Variants in LNX1 observed in about 807,000 individuals in gnomAD.
LNX1 encodes the protein E3 ubiquitin-protein ligase LNX.
LNX1 carries 54 observed loss-of-function variants against 68.4 expected under a neutral mutation model. The ratio of observed to expected loss-of-function variants is 0.79; its 90% CI spans 0.63 to 0.99. The LOEUF is 0.99. LNX1 is among the 50% of genes least tolerant of loss of function. LNX1 has a pLI of 0.00. For missense variants in LNX1, 906 were observed against 926.4 expected (o/e 0.98, Z 0.29); for synonymous variants, 336 against 350.0 (o/e 0.96, Z 0.45).
rs1721752758 is a variant in LNX1, at chr4:53,460,444, A to AAAAG, written c.*459_*462dup. The AAAAG allele has an allele frequency of 5.2e-6, 1 of 191,730 alleles. No homozygotes were observed. The highest frequency in any genetic ancestry group is 6.1e-5 in the Admixed American group (1 of 16,272). The allele number at this position is 191,730 out of a possible 1,614,324, so 11.9% of individuals were successfully genotyped here. On this transcript the variant is annotated 3_prime_UTR_variant, in exon 11 of 11. Coordinates refer to ENST00000263925, the MANE Select transcript of LNX1 (RefSeq NM_001126328.3). ...GTAATCTTAATTAGTATCACATACT[A>AAAAG]AAAGACAACTATAACTTCTGAAAAA...
chr4:53,467,286 T>A (rs1285633284), intron 9 of LNX1, among the ~76,000 whole-genome samples: 2 of 152,140 alleles, frequency 1.3e-5, no homozygotes, highest in African/African-American at 4.8e-5. Context: ...GGGTCCTGAC[T>A]GCTGGAAGGA....
intron 2 of LNX1, chr4:53,508,467 A>G: frequency 4.0e-6 from 2 of 499,498 alleles, no homozygotes; most frequent in Non-Finnish European, 7.2e-6. Flanking sequence ...TCTTAAAGCA[A>G]TCTCTACATT....
In LNX1 at chr4:53,476,785, G is replaced by C. The variant is rs761201223; in HGVS notation, c.1860C>G (p.Ser620=). The C allele has an allele frequency of 6.2e-7, 1 of 1,614,040 alleles. No homozygotes were observed. Among genetic ancestry groups the C allele is most frequent in the African/African-American group, 1.3e-5 (1 of 74,906 alleles). The change falls in exon 9 of 11, where the codon TCC becomes TCG. Residue 620 remains serine (S), a synonymous_variant. Coordinates refer to ENST00000263925, the MANE Select transcript of LNX1 (RefSeq NM_001126328.3). ...NHNMAPPSDW[S]PSWVMWLELP... is the part of the protein sequence containing the mutation. ...ATTCCAGCCACATGACCCAGGATGGGGACCAGTCACTGGGTGGGGCCATGT... is the reference window on the plus strand; with the variant it reads ...ATTCCAGCCACATGACCCAGGATGGCGACCAGTCACTGGGTGGGGCCATGT...
intron 6 of LNX1, among the ~76,000 whole-genome samples, chr4:53,491,092 T>C (rs1342925395): frequency 6.6e-6 from 1 of 152,214 alleles, no homozygotes; most frequent in Non-Finnish European, 1.5e-5. Flanking sequence ...AAATGCCATA[T>C]GTAGTCAAGA....
intron 2 of LNX1, among the ~76,000 whole-genome samples, chr4:53,553,508 T>C (rs1729662628): frequency 6.6e-6 from 1 of 152,234 alleles, no homozygotes; most frequent in East Asian, 1.9e-4. Flanking sequence ...GGTTTTCATC[T>C]ACAAGTCTCT....
At position 53,549,754 on chromosome 4, in the gene LNX1, T is replaced by C. The variant is rs147182887; in HGVS notation, c.380+23869A>G. The stretch of plus-strand genomic sequence containing the variant: ...AGATGGGTATAGGCCACATGGAGTT[T>C]TATTATAATCTTTTCTCTCCTTTTA... On this transcript the variant is annotated intron_variant, in intron 2 of 10. Coordinates refer to ENST00000263925, the MANE Select transcript of LNX1 (RefSeq NM_001126328.3). Among the ~76,000 whole-genome samples the C allele has an allele frequency of 1.9e-3, 292 of 152,298 alleles. 2 individuals are homozygous for C. Among genetic ancestry groups the C allele is most frequent in the African/African-American group, 6.6e-3 (274 of 41,578 alleles).
At chr4:53,590,789 C>T (rs1732461617) in intron 1 of LNX1, among the ~76,000 whole-genome samples, 1 of 152,034 alleles carries the variant, frequency 6.6e-6, no homozygotes. Flanking sequence ...ACTGCAAAGT[C>T]GTATTTAAAA....
chr4:53,490,706 G>A (rs540066427), intron 6 of LNX1, among the ~76,000 whole-genome samples: 22 of 152,174 alleles, frequency 1.4e-4, no homozygotes, highest in Non-Finnish European at 3.1e-4. Flanking sequence ...TGTGATTCAC[G>A]GAGTAGACAT....
chr4:53,584,438 G>C (rs1732036277), intron 1 of LNX1, among the ~76,000 whole-genome samples: 1 of 152,168 alleles, frequency 6.6e-6, no homozygotes, highest in Admixed American at 6.5e-5. Context: ...ATGGCAATGT[G>C]TATAATGCCC....
chr4:53,580,132 T>A (rs1286242986), intron 1 of LNX1, among the ~76,000 whole-genome samples: 1 of 152,184 alleles, frequency 6.6e-6, no homozygotes, highest in Non-Finnish European at 1.5e-5. Flanking sequence ...AATAGATGAT[T>A]CTACCTTTGG....
At chr4:53,609,747 T>G (rs1053767183) in intron 2 of LNX1, among the ~76,000 whole-genome samples, 1 of 140,278 alleles carries the variant, frequency 7.1e-6, no homozygotes, top group African/African-American at 2.6e-5. Flanking sequence ...CTATTATATA[T>G]TATATATAAT....
At chr4:53,471,811 G>C (rs1416238747) in intron 9 of LNX1, among the ~76,000 whole-genome samples, 1 of 152,178 alleles carries the variant, frequency 6.6e-6, no homozygotes, top group Non-Finnish European at 1.5e-5. Flanking sequence ...CAATTAGAAT[G>C]GCGATCATTA....
At chr4:53,468,927 T>A (rs1233368169) in intron 9 of LNX1, among the ~76,000 whole-genome samples, 1 of 152,126 alleles carries the variant, frequency 6.6e-6, no homozygotes, top group Non-Finnish European at 1.5e-5. Context: ...ATTAGACAGA[T>A]CAACGACACA....
At chr4:53,496,415 C>A in intron 5 of LNX1, 21 bp from the exon 6 acceptor site, 3 of 1,557,994 alleles carry the variant, frequency 1.9e-6, no homozygotes, top group South Asian at 2.5e-5. Flanking sequence ...GTGGAACAAT[C>A]GTGCGGTCAG....
chr4:53,627,246 G>T (rs2109867328), intron 1 of LNX1, among the ~76,000 whole-genome samples: 1 of 152,296 alleles, frequency 6.6e-6, no homozygotes, highest in African/African-American at 2.4e-5. Flanking sequence ...AGTTTTTGAT[G>T]ACCTTGGAGG....
chr4:53,554,953 G>A (rs761379580), intron 2 of LNX1, among the ~76,000 whole-genome samples: 5 of 152,148 alleles, frequency 3.3e-5, no homozygotes, highest in Non-Finnish European at 7.3e-5. Context: ...TAGTTCCAGC[G>A]TCTGAGCTGG....
At chr4:53,479,441 G>C (rs1723778170) in intron 7 of LNX1, among the ~76,000 whole-genome samples, 1 of 152,216 alleles carries the variant, frequency 6.6e-6, no homozygotes, top group Admixed American at 6.5e-5. Context: ...TGGATGCAAT[G>C]GCTGAAATAC....
At chr4:53,464,679 A>G (rs1400685159) in intron 9 of LNX1, among the ~76,000 whole-genome samples, 1 of 152,134 alleles carries the variant, frequency 6.6e-6, no homozygotes, top group Non-Finnish European at 1.5e-5. Flanking sequence ...TGACACTGCT[A>G]CTTGCAGAGG....
At chr4:53,575,605 C>G in intron 1 of LNX1, 1 of 1,297,244 alleles carries the variant, frequency 7.7e-7, no homozygotes, top group Non-Finnish European at 9.8e-7. Context: ...AGAATCCCAC[C>G]TTGGGACCAG....
Sources: allele counts gnomAD v4.1 joint callset (sites outside exome capture counted in the v4.1 genomes callset), GRCh38; gene constraint gnomAD v4.1.1; transcripts MANE v1.5; gene names NCBI Gene and HGNC (gene_info 2026-07-23, HGNC 2026-07-21).